Variants in SLC5A3 observed in about 807,000 individuals in gnomAD.
SLC5A3 encodes the protein solute carrier family 5 member 3, also known as sodium/myo-inositol cotransporter.
A neutral mutation model predicts 43.2 loss-of-function variants in SLC5A3; 10 were observed. The observed-to-expected ratio is 0.23, with a 90% CI of 0.14 to 0.39. SLC5A3 has a LOEUF of 0.39. Among genes scored for constraint, SLC5A3 ranks in the 10% least tolerant of loss-of-function variants. SLC5A3 has a pLI of 1.00. For synonymous variants in SLC5A3, 349 were observed against 322.0 expected (o/e 1.08, Z -0.90); for missense variants, 608 against 893.4 (o/e 0.68, Z 4.07).
At position 34,105,644 on chromosome 21, in the gene SLC5A3, C is replaced by T; in HGVS notation, c.*8289C>T. The T allele has an allele frequency of 1.0e-6, 1 of 998,902 alleles. No homozygotes were observed. 61.9% of individuals were successfully genotyped at this position (998,902 alleles called of 1,614,324 possible). A position where few individuals can be genotyped will look rare whatever the true frequency, so the allele number is the denominator to read the frequency against. On this transcript the variant is annotated 3_prime_UTR_variant, in exon 2 of 2. Transcript: ENST00000381151. ...TGTCATTTTAGTTAGGCATTGTAGGCCAAATGTGATTATAAATGAAGTTGA... is the reference window on the plus strand; with the variant it reads ...TGTCATTTTAGTTAGGCATTGTAGGTCAAATGTGATTATAAATGAAGTTGA...
At chr21:34,083,914 T>A (rs185630699) in intron 1 of SLC5A3, among the ~76,000 whole-genome samples, 99 of 152,384 alleles carry the variant, frequency 6.5e-4, no homozygotes, top group Non-Finnish European at 2.6e-4. Flanking sequence ...TCTTGTCATC[T>A]GGCATACAAA....
At chr21:34,085,443 A>G (rs758282380) in intron 1 of SLC5A3, among the ~76,000 whole-genome samples, 1 of 152,322 alleles carries the variant, frequency 6.6e-6, no homozygotes, top group South Asian at 2.1e-4. Flanking sequence ...TAAGTGATCT[A>G]TGGAATAACA....
Position 34,103,150 on chromosome 21 carries a change from A to G in SLC5A3, c.*5795A>G, listed in dbSNP as rs546410102. 4.0e-6 allele frequency: 4 copies of G among 1,000,024 alleles called. No homozygotes were observed. Among genetic ancestry groups the G allele is most frequent in the East Asian group, 2.3e-4 (2 of 8,820 alleles). The allele number at this position is 1,000,024 out of a possible 1,614,324, so 61.9% of individuals were successfully genotyped here. On this transcript the variant is annotated 3_prime_UTR_variant, in exon 2 of 2. Transcript: ENST00000381151. ...CAGAAATCCCAAACTGGCAAAGGCCAGTATATATGGTATTCCATAATATAA... is the reference window on the plus strand; with the variant it reads ...CAGAAATCCCAAACTGGCAAAGGCCGGTATATATGGTATTCCATAATATAA...
chr21:34,091,242 T>A (rs1362914146), intron 1 of SLC5A3, among the ~76,000 whole-genome samples: 1 of 92,792 alleles, frequency 1.1e-5, no homozygotes, highest in African/African-American at 4.5e-5. Context: ...TTTAAGATTA[T>A]TGCGTACTAC....
At chr21:34,086,110 C>T (rs1473382559) in intron 1 of SLC5A3, among the ~76,000 whole-genome samples, 7 of 152,202 alleles carry the variant, frequency 4.6e-5, no homozygotes, top group African/African-American at 1.7e-4. Flanking sequence ...CACTCTTTAC[C>T]TTTCCGGATT....
chr21:34,080,259 C>G (rs181231826), intron 1 of SLC5A3, among the ~76,000 whole-genome samples: 1 of 152,306 alleles, frequency 6.6e-6, no homozygotes, highest in Admixed American at 6.5e-5. Flanking sequence ...TGTATCAACA[C>G]TTGCCAAATT....
chr21:34,105,809 G>A lies in SLC5A3; in HGVS notation c.*8454G>A. Reference sequence around the variant, plus strand: ...TTGTACAGTGTTTTAGTTGCAAGCAGAAAGTAGAATTTGGTATAAAGCAGG... The same window carrying A: ...TTGTACAGTGTTTTAGTTGCAAGCAAAAAGTAGAATTTGGTATAAAGCAGG... On this transcript the variant is annotated 3_prime_UTR_variant, in exon 2 of 2. Coordinates refer to ENST00000381151, the MANE Select transcript of SLC5A3 (RefSeq NM_006933.7). 2 of 996,722 alleles carry A rather than the reference G, an allele frequency of 2.0e-6. No individual in the cohort carries two copies. Among genetic ancestry groups the A allele is most frequent in the Non-Finnish European group, 2.4e-6 (2 of 826,962 alleles). The allele number at this position is 996,722 out of a possible 1,614,324, so 61.7% of individuals were successfully genotyped here.
chr21:34,100,187 A>T lies in SLC5A3; in HGVS notation c.*2832A>T. The T allele has an allele frequency of 1.0e-6, 1 of 1,000,246 alleles. No individual in the cohort carries two copies. The highest frequency in any genetic ancestry group is 1.2e-6 in the Non-Finnish European group (1 of 829,980). The allele number at this position is 1,000,246 out of a possible 1,614,324, so 62.0% of individuals were successfully genotyped here. On this transcript the variant is annotated 3_prime_UTR_variant, in exon 2 of 2. Coordinates refer to ENST00000381151, the MANE Select transcript of SLC5A3 (RefSeq NM_006933.7). ...ACACTGGTCTTGGAAGGTAGAGAAA[A>T]ATAAATGTCTTACCAGGTGTTAATG...
rs537655438 is a variant in SLC5A3 at position 34,082,095 on chromosome 21, G to A, written c.-337+8350G>A. On this transcript the variant is annotated intron_variant, in intron 1 of 1. Coordinates refer to ENST00000381151, the MANE Select transcript of SLC5A3 (RefSeq NM_006933.7). ...ATGTTGCCAACTAATTGAATACTTA[G>A]GTACCATGGATCAAATGTAATGTAT... Among the ~76,000 whole-genome samples the A allele has an allele frequency of 9.3e-5, 14 of 151,268 alleles. No homozygotes were observed. In the South Asian group the frequency reaches 2.3e-3, roughly 25 times the overall value.
Position 34,097,844 on chromosome 21 carries a change from A to T in SLC5A3, c.*489A>T. The T allele has an allele frequency of 1.0e-6, 1 of 996,662 alleles. No individual in the cohort carries two copies. The highest frequency in any genetic ancestry group is 1.2e-6 in the Non-Finnish European group (1 of 826,668). 61.7% of individuals were successfully genotyped at this position (996,662 alleles called of 1,614,324 possible). A position where few individuals can be genotyped will look rare whatever the true frequency, so the allele number is the denominator to read the frequency against. ...ACTGAAAATCGAATGTGCTTGTGTG[A>T]TACTTGTTTCAGGACAAGTTCATTT... On this transcript the variant is annotated 3_prime_UTR_variant, in exon 2 of 2. Coordinates refer to ENST00000381151, the MANE Select transcript of SLC5A3 (RefSeq NM_006933.7).
intron 1 of SLC5A3, among the ~76,000 whole-genome samples, chr21:34,079,969 A>T (rs1350838660): frequency 6.6e-6 from 1 of 152,092 alleles, no homozygotes; most frequent in Non-Finnish European, 1.5e-5. Flanking sequence ...TCTGGGGCTG[A>T]ACAAATGCAG....
At position 34,099,596 on chromosome 21, in the gene SLC5A3, GT is replaced by G. The variant is rs1277591867; in HGVS notation, c.*2244del. ...TATCCAGCGTAAATGAATAGGAGGT[GT>G]TTGTGATTTTTTTTTTCTCCCTTTA... On this transcript the variant is annotated 3_prime_UTR_variant, in exon 2 of 2. Transcript: ENST00000381151. 1.0e-6 allele frequency: 1 copy of G among 999,370 alleles called. No homozygotes were observed. Among genetic ancestry groups the G allele is most frequent in the African/African-American group, 1.8e-5 (1 of 57,120 alleles). 61.9% of individuals were successfully genotyped at this position (999,370 alleles called of 1,614,324 possible).
Position 34,103,608 on chromosome 21 carries a change from T to C in SLC5A3, c.*6253T>C. The C allele has an allele frequency of 1.0e-6, 1 of 1,000,094 alleles. No homozygotes were observed. The highest frequency in any genetic ancestry group is 1.2e-6 in the Non-Finnish European group (1 of 829,876). The allele number at this position is 1,000,094 out of a possible 1,614,324, so 62.0% of individuals were successfully genotyped here. ...GTTCACACATTAGTGTACCCACACA[T>C]AGAAAGCACAAGACTAATAGTATTC... is the stretch of plus-strand genomic sequence containing the variant. On this transcript the variant is annotated 3_prime_UTR_variant, in exon 2 of 2. Coordinates refer to ENST00000381151, the MANE Select transcript of SLC5A3 (RefSeq NM_006933.7).
intron 1 of SLC5A3, among the ~76,000 whole-genome samples, chr21:34,092,172 A>C (rs1783296): frequency 5.3e-5 from 8 of 152,054 alleles, no homozygotes. Flanking sequence ...ATTTTTAAGG[A>C]ATGTAGTTTA....
Position 34,096,940 on chromosome 21 carries a change from C to G in SLC5A3, c.1742C>G (p.Thr581Ser). Residue 581 changes from threonine to serine, a missense_variant, in exon 2 of 2, where the codon ACC becomes AGC. Thr to Ser is a moderately conservative substitution (Grantham distance 58, BLOSUM62 1). Coordinates refer to ENST00000381151, the MANE Select transcript of SLC5A3 (RefSeq NM_006933.7). This position sits in a 1 kb window ranked among gnomAD's most constrained non-coding sequence, Gnocchi z 5.9. ...SILRCSENNE[T>S]INHIIPNGKS... is the part of the protein sequence containing the mutation. ...CTGAGATGCAGTGAGAATAATGAGA[C>G]CATCAACCACATCATTCCCAACGGG... 6.2e-7 allele frequency: 1 copy of G among 1,614,020 alleles called. No homozygotes were observed. Among genetic ancestry groups the G allele is most frequent in the Non-Finnish European group, 8.5e-7 (1 of 1,179,946 alleles).
chr21:34,079,281 C>G (rs1051499584), intron 1 of SLC5A3, among the ~76,000 whole-genome samples: 13 of 152,150 alleles, frequency 8.5e-5, no homozygotes, highest in African/African-American at 2.9e-4. Flanking sequence ...GAACATGACC[C>G]TGTTCTTTTG....
In SLC5A3 at chr21:34,106,063, C is replaced by A. The variant is rs1208950718; in HGVS notation, c.*8708C>A. On this transcript the variant is annotated 3_prime_UTR_variant, in exon 2 of 2. Transcript: ENST00000381151. ...TTTTCATTACTGACTCTGTAAAATA[C>A]ACTGTTCTTTGTGTACTGTGTGTTA... The A allele has an allele frequency of 7.0e-6, 7 of 997,888 alleles. No homozygotes were observed. Among genetic ancestry groups the A allele is most frequent in the Non-Finnish European group, 7.2e-6 (6 of 827,936 alleles). 61.8% of individuals were successfully genotyped at this position (997,888 alleles called of 1,614,324 possible).
chr21:34,088,914 C>G (rs770248384), intron 1 of SLC5A3, among the ~76,000 whole-genome samples: 1 of 150,464 alleles, frequency 6.6e-6, no homozygotes, highest in African/African-American at 2.4e-5. Flanking sequence ...ACTCACTTAT[C>G]TTTGATAAAC....
In SLC5A3 at chr21:34,101,442, A is replaced by T; in HGVS notation, c.*4087A>T. ...GTATTTGTAAGATTTTGCATTAGCC[A>T]GATGCTAGGTTGTTGAAGGCATTTC... On this transcript the variant is annotated 3_prime_UTR_variant, in exon 2 of 2. Coordinates refer to ENST00000381151, the MANE Select transcript of SLC5A3 (RefSeq NM_006933.7). 1.0e-6 allele frequency: 1 copy of T among 1,000,186 alleles called. No individual in the cohort carries two copies. Among genetic ancestry groups the T allele is most frequent in the Non-Finnish European group, 1.2e-6 (1 of 829,928 alleles). The allele number at this position is 1,000,186 out of a possible 1,614,324, so 62.0% of individuals were successfully genotyped here. A position where few individuals can be genotyped will look rare whatever the true frequency, so the allele number is the denominator to read the frequency against.
Sources: allele counts gnomAD v4.1 joint callset (sites outside exome capture counted in the v4.1 genomes callset), GRCh38; gene constraint gnomAD v4.1.1; non-coding constraint Gnocchi (gnomAD v3.1); transcripts MANE v1.5; gene names NCBI Gene and HGNC (gene_info 2026-07-23, HGNC 2026-07-21).